The following DOK6 variants were observed in gnomAD, a reference collection of about 807,000 sequenced individuals.
The protein encoded by DOK6 is docking protein 6, also known as downstream of tyrosine kinase 6.
In DOK6, 22 loss-of-function variants were observed where a neutral mutation model predicts 44.0. The ratio of observed to expected loss-of-function variants is 0.50; its 90% CI spans 0.36 to 0.71. The LOEUF (loss-of-function observed/expected upper bound fraction) is 0.71. Among genes scored for constraint, DOK6 ranks in the 30% least tolerant of loss-of-function variants. The pLI is 0.00. For synonymous variants in DOK6, 166 were observed against 145.5 expected (o/e 1.14, Z -1.01); for missense variants, 340 against 416.4 (o/e 0.82, Z 1.60).
intron 3 of DOK6, among the ~76,000 whole-genome samples, chr18:69,657,915 G>A (rs1985410761): frequency 6.6e-6 from 1 of 151,926 alleles, no homozygotes; most frequent in South Asian, 2.1e-4. Context: ...TTGGTTTTGG[G>A]TGGGTTTTTG....
At chr18:69,615,193 T>G (rs1249582583) in intron 3 of DOK6, among the ~76,000 whole-genome samples, 1 of 152,156 alleles carries the variant, frequency 6.6e-6, no homozygotes, top group South Asian at 2.1e-4. Flanking sequence ...AAAATCAATT[T>G]TATTGCATTT....
intron 1 of DOK6, among the ~76,000 whole-genome samples, chr18:69,404,311 G>A (rs1005492385): frequency 1.3e-5 from 2 of 152,198 alleles, no homozygotes; most frequent in African/African-American, 4.8e-5. Context: ...TCTCACTGGG[G>A]AAGCTAGCAA....
chr18:69,584,256 C>T (rs1025191270), intron 2 of DOK6, among the ~76,000 whole-genome samples: 2 of 151,892 alleles, frequency 1.3e-5, no homozygotes, highest in Non-Finnish European at 2.9e-5. Context: ...CTTTTCCTTT[C>T]ACTTTTTTAA....
intron 2 of DOK6, among the ~76,000 whole-genome samples, chr18:69,589,976 C>G (rs1983587956): frequency 6.6e-6 from 1 of 152,018 alleles, no homozygotes; most frequent in Non-Finnish European, 1.5e-5. Flanking sequence ...GTTTGTTCTT[C>G]TATTTATAAC....
intron 1 of DOK6, among the ~76,000 whole-genome samples, chr18:69,458,858 AGG>A (rs1435893560): frequency 6.6e-6 from 1 of 152,112 alleles, no homozygotes; most frequent in Non-Finnish European, 1.5e-5. Flanking sequence ...TTGGGCAGCC[AGG>A]GCGGGTGGAT....
At chr18:69,712,554 G>C (rs1986790451) in intron 5 of DOK6, among the ~76,000 whole-genome samples, 1 of 151,888 alleles carries the variant, frequency 6.6e-6, no homozygotes, top group Non-Finnish European at 1.5e-5. Flanking sequence ...TTCTATAAAT[G>C]TACATTGGGA....
intron 2 of DOK6, among the ~76,000 whole-genome samples, chr18:69,566,170 C>T (rs181238636): frequency 1.3e-5 from 2 of 152,096 alleles, no homozygotes; most frequent in East Asian, 1.9e-4. Context: ...CGGAGTCTGG[C>T]TCTGTCACCC....
At chr18:69,656,543 C>T (rs189226151) in intron 3 of DOK6, among the ~76,000 whole-genome samples, 8 of 151,760 alleles carry the variant, frequency 5.3e-5, no homozygotes, top group Admixed American at 1.3e-4. Context: ...GGTTTGTCAC[C>T]GGCACATAGT....
At chr18:69,611,949 T>TATAC (rs1984150956) in intron 3 of DOK6, among the ~76,000 whole-genome samples, 2 of 150,080 alleles carry the variant, frequency 1.3e-5, no homozygotes, top group Non-Finnish European at 3.0e-5. Context: ...ATATAAAACT[T>TATAC]ACACACACAC....
chr18:69,653,940 A>T (rs1483468251), intron 3 of DOK6, among the ~76,000 whole-genome samples: 2 of 152,214 alleles, frequency 1.3e-5, no homozygotes, highest in Non-Finnish European at 2.9e-5. Context: ...GGGGCCACAG[A>T]TTATCCAATA....
chr18:69,736,726 A>G (rs577007673), intron 5 of DOK6, among the ~76,000 whole-genome samples: 1 of 152,280 alleles, frequency 6.6e-6, no homozygotes, highest in South Asian at 2.1e-4. Context: ...TGACATATTT[A>G]TTTATAATAT....
At chr18:69,579,154 T>C (rs188643394) in intron 2 of DOK6, among the ~76,000 whole-genome samples, 1 of 152,310 alleles carries the variant, frequency 6.6e-6, no homozygotes, top group Non-Finnish European at 1.5e-5. Context: ...ACTCAGAATA[T>C]TGTCACACAT....
At chr18:69,417,337 C>T (rs534071010) in intron 1 of DOK6, among the ~76,000 whole-genome samples, 41 of 152,224 alleles carry the variant, frequency 2.7e-4, no homozygotes, top group Non-Finnish European at 5.7e-4. Context: ...CTGAGCCTGG[C>T]TTATTTCATT....
chr18:69,722,060 AC>A (rs1978289394), intron 5 of DOK6, among the ~76,000 whole-genome samples: 1 of 152,196 alleles, frequency 6.6e-6, no homozygotes, highest in Admixed American at 6.5e-5. Context: ...CTCAAAAAAG[AC>A]GTGGTGTTAT....
chr18:69,617,984 T>C (rs1177551223), intron 3 of DOK6, among the ~76,000 whole-genome samples: 4 of 152,110 alleles, frequency 2.6e-5, no homozygotes, highest in African/African-American at 9.7e-5. Flanking sequence ...ACTGATATCT[T>C]TGAGACAAAA....
At chr18:69,622,780 A>C (rs1984471715) in intron 3 of DOK6, among the ~76,000 whole-genome samples, 1 of 152,224 alleles carries the variant, frequency 6.6e-6, no homozygotes, top group Admixed American at 6.5e-5. Flanking sequence ...TAAGGCATAT[A>C]AATGTGAAAC....
chr18:69,517,478 T>A (rs937958999), intron 1 of DOK6, among the ~76,000 whole-genome samples: 2 of 152,328 alleles, frequency 1.3e-5, no homozygotes, highest in East Asian at 3.9e-4. Flanking sequence ...AATGGCTGAT[T>A]GAACTATATA....
chr18:69,674,753 G>C (rs540401875), intron 3 of DOK6, among the ~76,000 whole-genome samples: 6 of 152,154 alleles, frequency 3.9e-5, no homozygotes, highest in African/African-American at 1.4e-4. Context: ...TAGCTCCTCA[G>C]TTTCTGCCTA....
At chr18:69,542,216 C>G (rs1341551903) in intron 1 of DOK6, among the ~76,000 whole-genome samples, 1 of 151,428 alleles carries the variant, frequency 6.6e-6, no homozygotes, top group Non-Finnish European at 1.5e-5. Flanking sequence ...AGGAAACCAA[C>G]TTAGCAAACT....
Sources: allele counts gnomAD v4.1 joint callset (sites outside exome capture counted in the v4.1 genomes callset), GRCh38; gene constraint gnomAD v4.1.1; transcripts MANE v1.5; gene names NCBI Gene and HGNC (gene_info 2026-07-23, HGNC 2026-07-21).